The following CEP192 variants were observed in gnomAD, a reference collection of about 807,000 sequenced individuals.
CEP192 encodes centrosomal protein of 192 kDa.
In CEP192, 151 loss-of-function variants were observed where a neutral mutation model predicts 271.8. That is an observed-to-expected ratio of 0.56 (90% CI 0.49 to 0.64). The LOEUF (loss-of-function observed/expected upper bound fraction) is 0.64, where lower values mean the gene tolerates loss of function less well. Ranked by LOEUF, CEP192 falls within the 30% of genes least tolerant of loss-of-function variation. CEP192 has a pLI of 0.00. For synonymous variants in CEP192, 995 were observed against 1,076.5 expected (o/e 0.92, Z 1.48); for missense variants, 2,910 against 3,020.5 (o/e 0.96, Z 0.86).
chr18:13,120,361 T>C (rs1334223397), intron 44 of CEP192, among the ~76,000 whole-genome samples: 2 of 152,234 alleles, frequency 1.3e-5, no homozygotes, highest in Non-Finnish European at 2.9e-5. Flanking sequence ...TGAAATGTGT[T>C]CCTTGCTGGT....
intron 27 of CEP192, among the ~76,000 whole-genome samples, 191 bp from the exon 28 acceptor site, chr18:13,070,848 C>A (rs1461335592): frequency 1.3e-5 from 2 of 152,188 alleles, no homozygotes; most frequent in Admixed American, 6.5e-5. Flanking sequence ...GCTTCTCACA[C>A]CCCCCTGTGC....
Position 13,001,442 on chromosome 18 carries a change from A to T in CEP192, c.165-15A>T, listed in dbSNP as rs2033637182. 1 of 1,515,248 alleles carries T rather than the reference A, an allele frequency of 6.6e-7. No homozygotes were observed. Among genetic ancestry groups the T allele is most frequent in the Admixed American group, 2.1e-5 (1 of 47,512 alleles). The allele number at this position is 1,515,248 out of a possible 1,614,324, so 93.9% of individuals were successfully genotyped here. On this transcript the variant is annotated splice_polypyrimidine_tract_variant and intron_variant, in intron 2 of 44. Coordinates refer to ENST00000506447, the MANE Select transcript of CEP192 (RefSeq NM_032142.4). ...ATTTAATTCTTAACAATTAAAACAA[A>T]TTTTTTTTGTATAGGTATCCTGATA...
At chr18:13,010,899 C>T (rs1332601849) in intron 4 of CEP192, among the ~76,000 whole-genome samples, 1 of 151,474 alleles carries the variant, frequency 6.6e-6, no homozygotes, top group Non-Finnish European at 1.5e-5. Context: ...GAAAATATAC[C>T]CAGTATCATT....
Position 13,055,770 on chromosome 18 carries a change from T to G in CEP192, c.3190-10T>G. On this transcript the variant is annotated splice_polypyrimidine_tract_variant and intron_variant, in intron 18 of 44. Coordinates refer to ENST00000506447, the MANE Select transcript of CEP192 (RefSeq NM_032142.4). ...TGTGGATTATTAAAAACAAATTTTG[T>G]TGCACTCAGAGTGATATCACCAGCG... 1 of 1,518,770 alleles carries G rather than the reference T, an allele frequency of 6.6e-7. No homozygotes were observed. Among genetic ancestry groups the G allele is most frequent in the Non-Finnish European group, 8.8e-7 (1 of 1,135,066 alleles). 94.1% of individuals were successfully genotyped at this position (1,518,770 alleles called of 1,614,324 possible).
chr18:13,080,399 A>C lies in CEP192; in HGVS notation c.5617-6618A>C, dbSNP rs145424894. On this transcript the variant is annotated intron_variant, in intron 30 of 44. Coordinates refer to ENST00000506447, the MANE Select transcript of CEP192 (RefSeq NM_032142.4). Reference sequence around the variant, plus strand: ...TAGATATTTCATTCTCTTTGTAGCAATTGTGAATGGGAGTTCACTCATGAT... The same window carrying C: ...TAGATATTTCATTCTCTTTGTAGCACTTGTGAATGGGAGTTCACTCATGAT... Among the ~76,000 whole-genome samples the C allele has an allele frequency of 1.6e-3, 238 of 152,296 alleles. 8 individuals carry two copies. In the East Asian group the frequency reaches 0.039, roughly 25 times the overall value.
At position 13,069,138 on chromosome 18, in the gene CEP192, C is replaced by A; in HGVS notation, c.5012C>A (p.Pro1671His). Residue 1671 changes from proline (P) to histidine (H), a missense_variant, in exon 26 of 45, where the codon CCT (proline) becomes CAT (histidine). Coordinates refer to ENST00000506447, the MANE Select transcript of CEP192 (RefSeq NM_032142.4). ...GCTTCCTCAAGAAAGCAGCACTTAC[C>A]TTTGAAAAATGCTGGGAACATTGAA... ...KVASSRKQHL[P>H]LKNAGNIEVY... 6.2e-7 allele frequency: 1 copy of A among 1,614,154 alleles called. No individual in the cohort carries two copies. The highest frequency in any genetic ancestry group is 8.5e-7 in the Non-Finnish European group (1 of 1,180,014).
chr18:13,076,350 G>A (rs552804981), intron 30 of CEP192, among the ~76,000 whole-genome samples: 8 of 152,014 alleles, frequency 5.3e-5, no homozygotes, highest in Admixed American at 5.2e-4. Flanking sequence ...TCAGCCTCCC[G>A]AGTAGCTGGG....
intron 30 of CEP192, among the ~76,000 whole-genome samples, chr18:13,086,585 G>A (rs947997178): frequency 4.5e-4 from 68 of 152,160 alleles, no homozygotes; most frequent in Non-Finnish European, 2.5e-4. Context: ...CCCGCCTTCA[G>A]TATTGATCTC....
intron 5 of CEP192, among the ~76,000 whole-genome samples, chr18:13,013,285 T>C (rs1599065812): frequency 6.6e-6 from 1 of 152,192 alleles, no homozygotes; most frequent in East Asian, 1.9e-4. Context: ...CTTCACTCTG[T>C]ACAGGCTTCA....
intron 43 of CEP192, 29 bp from the exon 44 acceptor site, chr18:13,117,556 T>C (rs1429935894): frequency 6.6e-7 from 1 of 1,516,542 alleles, no homozygotes; most frequent in Non-Finnish European, 9.2e-7. Context: ...TTTTCATAAC[T>C]TTATAAAGTG....
intron 44 of CEP192, among the ~76,000 whole-genome samples, chr18:13,122,996 G>A (rs1222212166): frequency 6.6e-6 from 1 of 152,100 alleles, no homozygotes; most frequent in Non-Finnish European, 1.5e-5. Flanking sequence ...CAGTGTATCT[G>A]TAAATCTAAA....
At position 13,089,492 on chromosome 18, in the gene CEP192, A is replaced by G. The variant is rs1294217809; in HGVS notation, c.6030A>G (p.Ile2010Met). ...LLHKPEMIKQ[I>M]LPEHSVLQNI... is the part of the protein sequence containing the mutation. ...ATAAACCAGAGATGATAAAACAGAT[A>G]CTTCCAGAACATAGTGTGCTTCAAA... is the stretch of plus-strand genomic sequence containing the variant. Residue 2010 changes from isoleucine to methionine, a missense_variant, in exon 33 of 45, where the codon ATA becomes ATG. By Grantham distance (10) the Ile-to-Met change is conservative. Transcript: ENST00000506447. 1.2e-6 allele frequency: 2 copies of G among 1,605,204 alleles called. No homozygotes were observed. The highest frequency in any genetic ancestry group is 4.5e-5 in the East Asian group (2 of 44,646).
chr18:13,069,521 G>C (rs954365228), intron 26 of CEP192, among the ~76,000 whole-genome samples: 1 of 152,144 alleles, frequency 6.6e-6, no homozygotes, highest in Non-Finnish European at 1.5e-5. Context: ...GGGGGTTAGT[G>C]ATCCAAAATT....
intron 44 of CEP192, among the ~76,000 whole-genome samples, chr18:13,118,238 T>C (rs1027471934): frequency 6.6e-6 from 1 of 152,222 alleles, no homozygotes; most frequent in Non-Finnish European, 1.5e-5. Flanking sequence ...GGCTTAATGC[T>C]GAAGAATAAT....
intron 44 of CEP192, 46 bp from the exon 45 acceptor site, chr18:13,124,586 G>A (rs369841928): frequency 3.4e-5 from 54 of 1,568,566 alleles, no homozygotes; most frequent in Non-Finnish European, 4.4e-5. Flanking sequence ...ACAGGGTCAC[G>A]GGTGCTGTCA....
At chr18:13,031,050 A>G (rs2035591952) in intron 11 of CEP192, among the ~76,000 whole-genome samples, 1 of 152,182 alleles carries the variant, frequency 6.6e-6, no homozygotes, top group Non-Finnish European at 1.5e-5. Context: ...AAAGCGTGAA[A>G]AGAAACAGGT....
intron 2 of CEP192, chr18:13,000,231 TAC>T (rs58192466): frequency 0.25 from 37,572 of 151,652 alleles, 5,498 homozygotes; most frequent in East Asian, 0.44. Flanking sequence ...GTGTTGGTAT[TAC>T]ACAGGTGTGA....
chr18:13,124,513 A>G (rs2040816046), intron 44 of CEP192, 119 bp from the exon 45 acceptor site: 1 of 836,014 alleles, frequency 1.2e-6, no homozygotes, highest in African/African-American at 1.7e-5. Context: ...AATACATTTA[A>G]GCTGAATGTG....
intron 40 of CEP192, among the ~76,000 whole-genome samples, chr18:13,105,861 G>A (rs942747229): frequency 2.0e-5 from 3 of 152,032 alleles, no homozygotes; most frequent in African/African-American, 4.8e-5. Context: ...TGTATGAGGC[G>A]GTATTGCAAA....
Sources: allele counts gnomAD v4.1 joint callset (sites outside exome capture counted in the v4.1 genomes callset), GRCh38; gene constraint gnomAD v4.1.1; transcripts MANE v1.5; gene names NCBI Gene and HGNC (gene_info 2026-07-23, HGNC 2026-07-21).